Variants in DNM2 observed in about 807,000 individuals in gnomAD.
DNM2 encodes the protein dynamin-2.
A neutral mutation model predicts 99.0 loss-of-function variants in DNM2; 15 were observed. The ratio of observed to expected loss-of-function variants is 0.15; its 90% CI spans 0.10 to 0.23. The LOEUF is 0.23. Among genes scored for constraint, DNM2 ranks in the 10% least tolerant of loss-of-function variants. DNM2 has a pLI of 1.00. For synonymous variants in DNM2, 525 were observed against 481.2 expected (o/e 1.09, Z -1.19); for missense variants, 742 against 1,189.4 (o/e 0.62, Z 5.53).
chr19:10,723,175 C>T (rs60412558), intron 1 of DNM2, among the ~76,000 whole-genome samples: 6,540 of 147,664 alleles, frequency 0.044, 168 homozygotes, highest in African/African-American at 0.068. Flanking sequence ...ATTCTTGTTG[C>T]CCAGGCTGGA....
intron 1 of DNM2, among the ~76,000 whole-genome samples, chr19:10,757,303 G>A (rs2070425010): frequency 6.6e-6 from 1 of 152,224 alleles, no homozygotes; most frequent in African/African-American, 2.4e-5. Flanking sequence ...GCCAGAAGTG[G>A]TGGGACAGCC....
chr19:10,829,407 G>A, intron 19 of DNM2, 139 bp downstream of exon 19: 2 of 1,121,014 alleles, frequency 1.8e-6, no homozygotes, highest in Non-Finnish European at 2.6e-6. Flanking sequence ...GGGAGCTGCT[G>A]CCCTGCTGAG....
At chr19:10,751,795 GTGCCCGAC>G (rs1010440564) in intron 1 of DNM2, among the ~76,000 whole-genome samples, 5 of 152,238 alleles carry the variant, frequency 3.3e-5, no homozygotes, top group Non-Finnish European at 7.3e-5. Context: ...GTGCCCTCCT[GTGCCCGAC>G]TTAGAACTGT....
intron 17 of DNM2, chr19:10,824,172 G>A: frequency 2.1e-6 from 1 of 477,500 alleles, no homozygotes; most frequent in Non-Finnish European, 3.9e-6. Flanking sequence ...CCATCCTGAG[G>A]TAGAGTGAAC....
chr19:10,815,538 T>C, intron 15 of DNM2, among the ~76,000 whole-genome samples: 1 of 152,188 alleles, frequency 6.6e-6, no homozygotes, highest in Non-Finnish European at 1.5e-5. Context: ...GTCCCAGGTT[T>C]TGTCCTGGTA....
Position 10,824,147 on chromosome 19 carries a change from T to C in DNM2, c.1893+248T>C, listed in dbSNP as rs67417605. The C allele has an allele frequency of 0.31, 161,085 of 527,312 alleles. 25,938 individuals carry two copies. The highest frequency in any genetic ancestry group is 0.57 in the East Asian group (16,840 of 29,584). The allele number at this position is 527,312 out of a possible 1,614,324, so 32.7% of individuals were successfully genotyped here. On this transcript the variant is annotated intron_variant, in intron 17 of 20. Coordinates refer to ENST00000389253, the MANE Select transcript of DNM2 (RefSeq NM_001005361.3). The stretch of plus-strand genomic sequence containing the variant: ...ATGGGGTCCCACTTGCTTTGTTCTC[T>C]TCTCTTTTCCCCTTCCATCCTGAGG...
Position 10,757,943 on chromosome 19 carries a change from C to CAAAA in DNM2, c.162-1776_162-1773dup, listed in dbSNP as rs762600168. Reference sequence around the variant, plus strand: ...GGGCAACAAGAGCGAAGCTCTGTCTCAAAAAAAAAAAAAAAAAAAAAAGAA... The same window carrying CAAAA: ...GGGCAACAAGAGCGAAGCTCTGTCTCAAAAAAAAAAAAAAAAAAAAAAAAAAGAA... On this transcript the variant is annotated intron_variant, in intron 1 of 20. Transcript: ENST00000389253. Among the ~76,000 whole-genome samples, 203 of 65,354 alleles carry CAAAA rather than the reference C, an allele frequency of 3.1e-3. 3 individuals carry two copies. Among genetic ancestry groups the CAAAA allele is most frequent in the African/African-American group, 9.0e-3 (187 of 20,806 alleles). 42.9% of individuals were successfully genotyped at this position (65,354 alleles called of 152,430 possible).
chr19:10,765,112 C>G lies in DNM2; in HGVS notation c.235+5301C>G, dbSNP rs1162887828. Among the ~76,000 whole-genome samples the G allele has an allele frequency of 6.6e-6, 1 of 152,104 alleles. No homozygotes were observed. Among genetic ancestry groups the G allele is most frequent in the Non-Finnish European group, 1.5e-5 (1 of 68,020 alleles). On this transcript the variant is annotated intron_variant, in intron 2 of 20. Coordinates refer to ENST00000389253, the MANE Select transcript of DNM2 (RefSeq NM_001005361.3). The surrounding 1 kb of genome is among the most constrained non-coding windows in gnomAD (Gnocchi z 4.4). ...AGCTGGGACTACAGGCGCCCGCCAC[C>G]TCGCCCGGCTAATTTTTTTGTATGC... is the stretch of plus-strand genomic sequence containing the variant.
At chr19:10,756,795 T>C (rs77118196) in intron 1 of DNM2, among the ~76,000 whole-genome samples, 1 of 152,090 alleles carries the variant, frequency 6.6e-6, no homozygotes, top group East Asian at 1.9e-4. Flanking sequence ...GTTGTGACCA[T>C]CCACCTCCCA....
Position 10,795,544 on chromosome 19 carries a change from A to C in DNM2, c.1196+105A>C. 7.4e-7 allele frequency: 1 copy of C among 1,345,628 alleles called. No homozygotes were observed. The highest frequency in any genetic ancestry group is 1.1e-6 in the Non-Finnish European group (1 of 944,126). 83.4% of individuals were successfully genotyped at this position (1,345,628 alleles called of 1,614,324 possible). On this transcript the variant is annotated intron_variant, in intron 9 of 20. Coordinates refer to ENST00000389253, the MANE Select transcript of DNM2 (RefSeq NM_001005361.3). The surrounding 1 kb of genome is among the most constrained non-coding windows in gnomAD (Gnocchi z 4.2). ...CTGAGTCCCTAATCGTTAGGCCTTA[A>C]GAGGGCTCTTGGATGGTTTTCTGTA...
intron 5 of DNM2, among the ~76,000 whole-genome samples, chr19:10,779,761 C>G (rs2071295114): frequency 6.6e-6 from 1 of 152,054 alleles, no homozygotes; most frequent in South Asian, 2.1e-4. Context: ...TCTCAGCTGA[C>G]TGCAACCTCT....
intron 12 of DNM2, among the ~76,000 whole-genome samples, chr19:10,805,480 C>A (rs183257982): frequency 6.6e-6 from 1 of 151,976 alleles, no homozygotes; most frequent in African/African-American, 2.4e-5. Flanking sequence ...TACAAAAAAT[C>A]AAAAATTAGC....
chr19:10,795,431 T>G lies in DNM2; in HGVS notation c.1188T>G (p.His396Gln). 6.2e-7 allele frequency: 1 copy of G among 1,614,046 alleles called. No homozygotes were observed. Among genetic ancestry groups the G allele is most frequent in the Non-Finnish European group, 8.5e-7 (1 of 1,180,012 alleles). The change falls in exon 9 of 21, where the codon CAT becomes CAG. Residue 396 changes from histidine to glutamine, a missense_variant. Physicochemically the swap from His to Gln is conservative, Grantham distance 24. Transcript: ENST00000389253. This position sits in a 1 kb window ranked among gnomAD's most constrained non-coding sequence, Gnocchi z 4.2. ...TCAGCTATGCCATTAAGAACATCCA[T>G]GGAGTCAGGCAAGTTCCACGAGGAG... ...REISYAIKNIHGVRTGLFTPD... is the reference protein window; with the variant it reads ...REISYAIKNIQGVRTGLFTPD...
At chr19:10,756,391 C>T (rs1053124536) in intron 1 of DNM2, among the ~76,000 whole-genome samples, 6 of 152,116 alleles carry the variant, frequency 3.9e-5, no homozygotes, top group African/African-American at 1.4e-4. Context: ...TGCTCAGGAG[C>T]CAGTGAGAAA....
chr19:10,813,019 C>T (rs1197000829), intron 15 of DNM2, among the ~76,000 whole-genome samples: 1 of 152,236 alleles, frequency 6.6e-6, no homozygotes, highest in Non-Finnish European at 1.5e-5. Flanking sequence ...GTCAGGGGCT[C>T]AGGCATGCAG....
intron 1 of DNM2, among the ~76,000 whole-genome samples, chr19:10,727,766 G>A (rs2069161836): frequency 6.6e-6 from 1 of 152,046 alleles, no homozygotes; most frequent in Non-Finnish European, 1.5e-5. Flanking sequence ...TTTATATTTG[G>A]CTCAGAGCCA....
chr19:10,733,191 G>GT (rs34624666), intron 1 of DNM2, among the ~76,000 whole-genome samples: 12,234 of 123,582 alleles, frequency 0.099, 901 homozygotes, highest in East Asian at 0.36. Context: ...GGCTGGTGTG[G>GT]TTTTTTTTTT....
At chr19:10,723,690 C>T (rs922778265) in intron 1 of DNM2, among the ~76,000 whole-genome samples, 6 of 152,216 alleles carry the variant, frequency 3.9e-5, no homozygotes, top group Non-Finnish European at 4.4e-5. Flanking sequence ...GTTGTTCGTT[C>T]ATTAAAAAAT....
intron 7 of DNM2, among the ~76,000 whole-genome samples, chr19:10,787,150 A>G (rs1039465918): frequency 1.3e-5 from 2 of 151,638 alleles, no homozygotes; most frequent in Non-Finnish European, 2.9e-5. Flanking sequence ...CCTGATCAAC[A>G]TGGTGAAACC....
Sources: gnomAD v4.1 joint callset for allele counts (sites outside exome capture counted in the v4.1 genomes callset) on GRCh38, gnomAD v4.1.1 for gene constraint, Gnocchi (gnomAD v3.1) non-coding constraint, MANE v1.5 for transcripts, NCBI Gene and HGNC (gene_info 2026-07-23, HGNC 2026-07-21) for gene names.